The following SEMA4D variants were observed in gnomAD, a reference collection of about 807,000 sequenced individuals.
The protein encoded by SEMA4D is semaphorin-4D.
A neutral mutation model predicts 74.8 loss-of-function variants in SEMA4D; 22 were observed. The observed-to-expected ratio is 0.29, with a 90% CI of 0.21 to 0.42. The LOEUF (loss-of-function observed/expected upper bound fraction) is 0.42, where lower values mean the gene tolerates loss of function less well. Among genes scored for constraint, SEMA4D ranks in the 10% least tolerant of loss-of-function variants. The pLI, the probability that SEMA4D is intolerant of heterozygous loss-of-function variation, is 1.00. For missense variants in SEMA4D, 937 were observed against 1,118.4 expected, an observed-to-expected ratio of 0.84 and a Z score of 2.31; for synonymous variants, 445 against 463.7, an observed-to-expected ratio of 0.96 and a Z score of 0.52.
chr9:89,422,508 T>C (rs1052034742), intron 2 of SEMA4D, among the ~76,000 whole-genome samples: 2 of 152,272 alleles, frequency 1.3e-5, no homozygotes, highest in East Asian at 1.9e-4. Context: ...TACAGGCTGG[T>C]AGAGGAAGAG....
intron 1 of SEMA4D, among the ~76,000 whole-genome samples, chr9:89,456,597 T>C (rs898032113): frequency 3.4e-5 from 5 of 147,016 alleles, no homozygotes; most frequent in Admixed American, 6.8e-5. Flanking sequence ...TTTGGGAGAG[T>C]TTTTCTTTTT....
chr9:89,453,643 A>G (rs1197860326), intron 2 of SEMA4D, among the ~76,000 whole-genome samples: 4 of 152,254 alleles, frequency 2.6e-5, no homozygotes, highest in East Asian at 1.9e-4. Flanking sequence ...CTGGGTGGAC[A>G]CACAGCCCTG....
intron 1 of SEMA4D, among the ~76,000 whole-genome samples, chr9:89,462,163 C>T (rs902387942): frequency 6.6e-6 from 1 of 152,218 alleles, no homozygotes; most frequent in Non-Finnish European, 1.5e-5. Flanking sequence ...AAATCACTCC[C>T]TCTCTGCCCA....
At chr9:89,373,393 C>T (rs1315983924), downstream of SEMA4D, among the ~76,000 whole-genome samples, 1 of 152,148 alleles carries the variant, frequency 6.6e-6, no homozygotes, top group East Asian at 1.9e-4. Context: ...CAGGTGGGGA[C>T]ATCTCCTGGG....
Position 89,455,946 on chromosome 9 carries a change from A to T in SEMA4D, c.-302T>A, listed in dbSNP as rs1457564326. On this transcript the variant is annotated 5_prime_UTR_variant, in exon 2 of 16. Transcript: ENST00000422704. ...TGGTTTCTTTCCACTATCTGGTGTT[A>T]GCAGAGTCTGAAACAGAGTTAGAAA... The T allele has an allele frequency of 6.6e-6, 1 of 152,282 alleles. No individual in the cohort carries two copies. The highest frequency in any genetic ancestry group is 6.5e-5 in the Admixed American group (1 of 15,292). 9.4% of individuals were successfully genotyped at this position (152,282 alleles called of 1,614,324 possible).
intron 2 of SEMA4D, among the ~76,000 whole-genome samples, chr9:89,410,846 A>C (rs1844381070): frequency 6.6e-6 from 1 of 152,240 alleles, no homozygotes; most frequent in Non-Finnish European, 1.5e-5. Flanking sequence ...GCCCCACTGG[A>C]GGCAGCAAAG....
intron 1 of SEMA4D, chr9:89,497,422 C>G (rs1170028759): frequency 2.0e-5 from 3 of 152,264 alleles, no homozygotes; most frequent in Non-Finnish European, 4.4e-5. Flanking sequence ...TCCGCGGCCT[C>G]CGCGACCAAA....
chr9:89,385,865 T>TTGGGGGGC, intron 13 of SEMA4D: 2 of 213,330 alleles, frequency 9.4e-6, no homozygotes, highest in Non-Finnish European at 1.6e-5. Flanking sequence ...CCAGCGTGGA[T>TTGGGGGGC]GCCCGCCCAC....
At chr9:89,416,565 C>T (rs1845762778) in intron 2 of SEMA4D, among the ~76,000 whole-genome samples, 3 of 152,140 alleles carry the variant, frequency 2.0e-5, no homozygotes, top group African/African-American at 7.2e-5. Context: ...AAACACCAGG[C>T]ACAGACTCAC....
intron 16 of SEMA4D, among the ~76,000 whole-genome samples, chr9:89,370,310 G>A (rs1277740681): frequency 6.6e-6 from 1 of 151,304 alleles, no homozygotes; most frequent in Non-Finnish European, 1.5e-5. Context: ...TGCGTGTTAT[G>A]TCGTGTGTGT....
intron 3 of SEMA4D, 127 bp from the exon 4 acceptor site, chr9:89,403,143 G>C: frequency 9.0e-7 from 1 of 1,109,646 alleles, no homozygotes; most frequent in East Asian, 2.6e-5. Context: ...GTCATGTCTC[G>C]AGGGCCATGT....
chr9:89,369,083 C>T (rs1315947978), intron 16 of SEMA4D: 4 of 152,254 alleles, frequency 2.6e-5, no homozygotes, highest in African/African-American at 7.2e-5. Context: ...GATAGCACCA[C>T]CTTGTCCTGT....
At chr9:89,406,891 T>C (rs1390681120) in intron 2 of SEMA4D, among the ~76,000 whole-genome samples, 1 of 152,050 alleles carries the variant, frequency 6.6e-6, no homozygotes, top group Non-Finnish European at 1.5e-5. Flanking sequence ...AGCCAATTCC[T>C]ACAGTCCATG....
chr9:89,416,546 G>T (rs1845756230), intron 2 of SEMA4D, among the ~76,000 whole-genome samples: 1 of 152,068 alleles, frequency 6.6e-6, no homozygotes, highest in Non-Finnish European at 1.5e-5. Flanking sequence ...GACACACAGG[G>T]ACATGCACAA....
Position 89,492,479 on chromosome 9 carries a change from C to T in SEMA4D, c.-310+5440G>A, listed in dbSNP as rs931272489. On this transcript the variant is annotated intron_variant, in intron 1 of 15. Coordinates refer to ENST00000422704, the MANE Select transcript of SEMA4D (RefSeq NM_001371194.2). This position sits in a 1 kb window ranked among gnomAD's most constrained non-coding sequence, Gnocchi z 4.3. ...AAGATTAGGGTCCCAGCTCAGAGCA[C>T]TCCCCCAAACTCCAGATCCCTTCCT... 2.2e-4 allele frequency among the ~76,000 whole-genome samples: 34 copies of T among 152,234 alleles called. No individual in the cohort carries two copies. The highest frequency in any genetic ancestry group is 4.1e-4 in the Non-Finnish European group (28 of 68,000).
At chr9:89,431,124 G>A (rs1849184164) in intron 2 of SEMA4D, among the ~76,000 whole-genome samples, 1 of 152,188 alleles carries the variant, frequency 6.6e-6, no homozygotes, top group South Asian at 2.1e-4. Context: ...AATGCAAAGA[G>A]GAGAAGATAA....
intron 13 of SEMA4D, chr9:89,384,810 G>A (rs778603745): frequency 1.6e-4 from 157 of 985,228 alleles, no homozygotes; most frequent in Non-Finnish European, 1.8e-4. Flanking sequence ...ATGGGGTCAG[G>A]CGGCACAGTC....
intron 15 of SEMA4D, among the ~76,000 whole-genome samples, chr9:89,379,972 T>C (rs1301576329): frequency 2.0e-5 from 3 of 152,386 alleles, no homozygotes; most frequent in East Asian, 3.9e-4. Context: ...CTTCTGCTAA[T>C]GGCTGCAAGG....
At chr9:89,404,979 C>T (rs561873082) in intron 3 of SEMA4D, among the ~76,000 whole-genome samples, 13 of 123,814 alleles carry the variant, frequency 1.0e-4, no homozygotes, top group Admixed American at 6.5e-4. Context: ...GTCCCCGTCC[C>T]GTCCTCAGCC....
Sources: allele counts gnomAD v4.1 joint callset (sites outside exome capture counted in the v4.1 genomes callset), GRCh38; gene constraint gnomAD v4.1.1; non-coding constraint Gnocchi (gnomAD v3.1); transcripts MANE v1.5; gene names NCBI Gene and HGNC (gene_info 2026-07-23, HGNC 2026-07-21).